Variants in PCCA observed in about 807,000 individuals in gnomAD.
PCCA encodes the protein propionyl-CoA carboxylase alpha chain, mitochondrial.
Under a neutral mutation model 101.3 loss-of-function variants are expected in PCCA, and 74 were observed. That is an observed-to-expected ratio of 0.73 (90% confidence interval 0.61 to 0.89). The LOEUF (loss-of-function observed/expected upper bound fraction) is 0.89. PCCA is among the 40% of genes least tolerant of loss of function. The probability of loss-of-function intolerance (pLI) is 0.00; values close to 1 mark genes in which losing one functional copy is unlikely to be tolerated. For missense variants in PCCA, 891 were observed against 907.0 expected, an observed-to-expected ratio of 0.98 and a Z score of 0.23; for synonymous variants, 294 against 313.6, an observed-to-expected ratio of 0.94 and a Z score of 0.66.
intron 19 of PCCA, among the ~76,000 whole-genome samples, chr13:100,400,620 C>CTTTTTTT (rs1380536807): frequency 1.6e-5 from 1 of 61,948 alleles, no homozygotes; most frequent in African/African-American, 1.0e-4. Flanking sequence ...GATCTTAGTT[C>CTTTTTTT]TTTTTAGTTC....
chr13:100,437,249 C>G (rs764913813), intron 20 of PCCA, among the ~76,000 whole-genome samples: 4 of 152,162 alleles, frequency 2.6e-5, no homozygotes, highest in Non-Finnish European at 5.9e-5. Context: ...TTTAAGTACG[C>G]TGCCTTTCTG....
chr13:100,172,550 C>T (rs1386598788), intron 6 of PCCA, among the ~76,000 whole-genome samples: 1 of 151,900 alleles, frequency 6.6e-6, no homozygotes, highest in African/African-American at 2.4e-5. Context: ...ATTATCATTC[C>T]TGCCGTCATC....
At chr13:100,479,060 A>G (rs1487225427) in intron 21 of PCCA, among the ~76,000 whole-genome samples, 2 of 152,186 alleles carry the variant, frequency 1.3e-5, no homozygotes, top group Non-Finnish European at 2.9e-5. Flanking sequence ...TCTCTGACAG[A>G]TAATCATCAG....
At chr13:100,158,304 C>T (rs1124035) in intron 6 of PCCA, among the ~76,000 whole-genome samples, 21,516 of 152,160 alleles carry the variant, frequency 0.14, 1,640 homozygotes, top group Non-Finnish European at 0.18. Context: ...TAACTGTACT[C>T]GTATTCTGTT....
Position 100,166,176 on chromosome 13 carries a change from CAT to C in PCCA, c.468+8838_468+8839del, listed in dbSNP as rs144380027. Among the ~76,000 whole-genome samples, 431 of 152,254 alleles carry C rather than the reference CAT, an allele frequency of 2.8e-3. 5 individuals are homozygous for C. Among genetic ancestry groups the C allele is most frequent in the African/African-American group, 1.0e-2 (414 of 41,546 alleles). ...GGCAACTACTGATCTGTTTTCTTAT[CAT>C]AGATTATTTTGCATTTACTAGAATT... On this transcript the variant is annotated intron_variant, in intron 6 of 23. Coordinates refer to ENST00000376285, the MANE Select transcript of PCCA (RefSeq NM_000282.4).
intron 22 of PCCA, among the ~76,000 whole-genome samples, chr13:100,524,412 TTG>T (rs2087570219): frequency 1.3e-5 from 2 of 148,926 alleles, no homozygotes; most frequent in Non-Finnish European, 3.0e-5. Flanking sequence ...TGTGTGTGTG[TTG>T]GGGTAGAACA....
intron 14 of PCCA, among the ~76,000 whole-genome samples, chr13:100,306,483 C>G (rs1376405600): frequency 1.3e-5 from 2 of 152,170 alleles, no homozygotes; most frequent in Non-Finnish European, 2.9e-5. Context: ...CCGTGCCTTG[C>G]TGCTGGTATC....
intron 6 of PCCA, among the ~76,000 whole-genome samples, chr13:100,192,379 A>T (rs1217090072): frequency 2.0e-5 from 3 of 152,214 alleles, no homozygotes; most frequent in Non-Finnish European, 4.4e-5. Context: ...GGCTTACCAC[A>T]GTGCCTGACG....
chr13:100,295,290 G>A (rs2065442741), intron 12 of PCCA, among the ~76,000 whole-genome samples: 2 of 152,116 alleles, frequency 1.3e-5, no homozygotes, highest in East Asian at 1.9e-4. Flanking sequence ...AAAGACAGAG[G>A]CCTATTATGC....
intron 19 of PCCA, among the ~76,000 whole-genome samples, chr13:100,418,938 C>T (rs368169166): frequency 4.0e-5 from 6 of 151,898 alleles, no homozygotes; most frequent in African/African-American, 7.3e-5. Context: ...CTTCAAGAGC[C>T]GGCCTCCCCT....
chr13:100,457,272 T>G (rs2081812099), intron 21 of PCCA, among the ~76,000 whole-genome samples: 1 of 152,216 alleles, frequency 6.6e-6, no homozygotes, highest in Non-Finnish European at 1.5e-5. Context: ...GTTTGTGCCT[T>G]CAGTCTCTTG....
intron 19 of PCCA, among the ~76,000 whole-genome samples, chr13:100,409,128 C>T (rs1462068024): frequency 6.6e-6 from 1 of 152,052 alleles, no homozygotes; most frequent in African/African-American, 2.4e-5. Flanking sequence ...TCTCTGGTCC[C>T]TCCCAAAAAA....
At chr13:100,222,213 G>T (rs1326498309) in intron 7 of PCCA, among the ~76,000 whole-genome samples, 1 of 151,838 alleles carries the variant, frequency 6.6e-6, no homozygotes, top group Admixed American at 6.6e-5. Flanking sequence ...GCTAATTTTT[G>T]TATTTTTAGT....
intron 19 of PCCA, among the ~76,000 whole-genome samples, chr13:100,399,541 T>A (rs930513220): frequency 6.6e-6 from 1 of 152,210 alleles, no homozygotes; most frequent in African/African-American, 2.4e-5. Context: ...CCATCACTCA[T>A]TTCTTTCTGC....
intron 21 of PCCA, among the ~76,000 whole-genome samples, chr13:100,466,859 A>AAAAAC (rs142889011): frequency 0.11 from 17,424 of 151,856 alleles, 1,772 homozygotes; most frequent in African/African-American, 0.27. Context: ...GTCCGTCTCA[A>AAAAAC]AAAACAAAAC....
intron 4 of PCCA, 116 bp downstream of exon 4, chr13:100,112,177 G>T: frequency 8.5e-5 from 59 of 692,826 alleles, no homozygotes; most frequent in Admixed American, 9.1e-5. Flanking sequence ...TTTAAAAACT[G>T]TTTACTTGTT....
At position 100,510,260 on chromosome 13, in the gene PCCA, A is replaced by C. The variant is rs147906311; in HGVS notation, c.1900-5167A>C. Among the ~76,000 whole-genome samples the C allele has an allele frequency of 3.1e-4, 47 of 152,346 alleles. 1 individual carries two copies. In the East Asian group the frequency reaches 9.1e-3, roughly 29 times the overall value. On this transcript the variant is annotated intron_variant, in intron 21 of 23. Transcript: ENST00000376285. ...CCTTTATCCACCATCTTCAGCTCTCATTCCTTTGCTTTCTCGCCTGTGGCT... is the reference window on the plus strand; with the variant it reads ...CCTTTATCCACCATCTTCAGCTCTCCTTCCTTTGCTTTCTCGCCTGTGGCT...
chr13:100,152,782 A>G (rs2053498678), intron 4 of PCCA, among the ~76,000 whole-genome samples: 1 of 152,202 alleles, frequency 6.6e-6, no homozygotes, highest in African/African-American at 2.4e-5. Context: ...TTGTGATAAC[A>G]TAGGAAAAAT....
chr13:100,381,272 C>G (rs1233829329), intron 19 of PCCA, among the ~76,000 whole-genome samples: 1 of 152,032 alleles, frequency 6.6e-6, no homozygotes, highest in Non-Finnish European at 1.5e-5. Context: ...GCCTGTAGTC[C>G]CAGCTCCTTG....
Sources: gnomAD v4.1 joint callset for allele counts (sites outside exome capture counted in the v4.1 genomes callset) on GRCh38, gnomAD v4.1.1 for gene constraint, MANE v1.5 for transcripts, NCBI Gene and HGNC (gene_info 2026-07-23, HGNC 2026-07-21) for gene names.